Variants in FLT1 observed in about 807,000 individuals in gnomAD.
FLT1 encodes the protein fms related receptor tyrosine kinase 1.
FLT1 carries 49 observed loss-of-function variants against 156.3 expected under a neutral mutation model. That is an observed-to-expected ratio of 0.31 (90% CI 0.25 to 0.40). FLT1 has a LOEUF of 0.40. Ranked by LOEUF, FLT1 falls within the 10% of genes least tolerant of loss-of-function variation. The pLI is 1.00. For synonymous variants in FLT1, 594 were observed against 583.8 expected, an observed-to-expected ratio of 1.02 and a Z score of -0.25; for missense variants, 1,322 against 1,637.2, an observed-to-expected ratio of 0.81 and a Z score of 3.32.
Position 28,362,389 on chromosome 13 carries a change from T to G in FLT1, c.2117-4704A>C, listed in dbSNP as rs141200876. 5.4e-4 allele frequency among the ~76,000 whole-genome samples: 82 copies of G among 152,254 alleles called. 1 individual carries two copies. The East Asian group carries it at 0.016, about 29-fold the overall frequency. On this transcript the variant is annotated intron_variant, in intron 14 of 29. Coordinates refer to ENST00000282397, the MANE Select transcript of FLT1 (RefSeq NM_002019.4). The stretch of plus-strand genomic sequence containing the variant: ...AAGTGGCAATCACAGAAAATAAAAG[T>G]GTGGCTGTACAGTTGCTCCGGGTCA...
chr13:28,409,703 T>A (rs1341899649), intron 10 of FLT1, among the ~76,000 whole-genome samples: 3 of 152,210 alleles, frequency 2.0e-5, no homozygotes, highest in Non-Finnish European at 4.4e-5. Context: ...TTTCAGAACC[T>A]GTGCACTTGA....
intron 14 of FLT1, among the ~76,000 whole-genome samples, chr13:28,384,250 A>G (rs945373739): frequency 1.3e-5 from 2 of 152,130 alleles, no homozygotes; most frequent in African/African-American, 4.8e-5. Context: ...CCTGGCCAAC[A>G]TGGTGAAACC....
intron 1 of FLT1, among the ~76,000 whole-genome samples, chr13:28,492,894 A>G (rs1457701905): frequency 6.6e-6 from 1 of 152,192 alleles, no homozygotes; most frequent in Non-Finnish European, 1.5e-5. Context: ...CTGTTAGGTA[A>G]AGAGGTTCTC....
At chr13:28,350,361 G>A (rs1872701362) in intron 15 of FLT1, among the ~76,000 whole-genome samples, 1 of 152,140 alleles carries the variant, frequency 6.6e-6, no homozygotes, top group African/African-American at 2.4e-5. Context: ...TCCACGTCAA[G>A]TACTCTCCCA....
chr13:28,381,272 G>C (rs963635355), intron 14 of FLT1, among the ~76,000 whole-genome samples: 16 of 152,264 alleles, frequency 1.1e-4, no homozygotes, highest in African/African-American at 3.6e-4. Context: ...ACTTAGCACA[G>C]TTGGCCCTGT....
At chr13:28,407,125 AT>A (rs911370027) in intron 10 of FLT1, among the ~76,000 whole-genome samples, 1 of 152,194 alleles carries the variant, frequency 6.6e-6, no homozygotes, top group Non-Finnish European at 1.5e-5. Context: ...AAATCGACGT[AT>A]TCACTCTGTC....
At chr13:28,392,879 T>C (rs981737560) in intron 12 of FLT1, among the ~76,000 whole-genome samples, 3 of 152,240 alleles carry the variant, frequency 2.0e-5, no homozygotes, top group African/African-American at 7.2e-5. Context: ...ATTTGTTATG[T>C]TATCAGACAG....
At chr13:28,313,516 T>C (rs1307657443) in intron 25 of FLT1, among the ~76,000 whole-genome samples, 1 of 152,198 alleles carries the variant, frequency 6.6e-6, no homozygotes, top group Non-Finnish European at 1.5e-5. Context: ...CACTCAAACC[T>C]GAATGGGCTC....
intron 15 of FLT1, among the ~76,000 whole-genome samples, chr13:28,353,482 A>T: frequency 6.6e-6 from 1 of 151,704 alleles, no homozygotes; most frequent in South Asian, 2.1e-4. Flanking sequence ...CTGAGGCAGA[A>T]GAATTGCTTG....
chr13:28,322,468 C>G lies in FLT1; in HGVS notation c.2954-109G>C, dbSNP rs993729712. On this transcript the variant is annotated intron_variant, in intron 21 of 29. Transcript: ENST00000282397. The surrounding 1 kb of genome is among the most constrained non-coding windows in gnomAD (Gnocchi z 4.3). Reference sequence around the variant, plus strand: ...ACATAAAACAAACCAACAAGTAGATCAGAGTTCATTTTTAAGAGTATTTGA... The same window carrying G: ...ACATAAAACAAACCAACAAGTAGATGAGAGTTCATTTTTAAGAGTATTTGA... The G allele has an allele frequency of 8.8e-6, 7 of 799,532 alleles. No individual in the cohort carries two copies. The highest frequency in any genetic ancestry group is 1.5e-5 in the Non-Finnish European group (7 of 464,866). The allele number at this position is 799,532 out of a possible 1,614,324, so 49.5% of individuals were successfully genotyped here.
chr13:28,399,138 G>C (rs533778588), intron 11 of FLT1: 1 of 1,512,112 alleles, frequency 6.6e-7, no homozygotes, highest in Non-Finnish European at 9.0e-7. Context: ...AGGAGAGATC[G>C]TCAAATACGA....
At chr13:28,450,834 T>C (rs994553945) in intron 3 of FLT1, among the ~76,000 whole-genome samples, 5 of 152,108 alleles carry the variant, frequency 3.3e-5, no homozygotes, top group Non-Finnish European at 5.9e-5. Flanking sequence ...GAGCAAAAAC[T>C]GAATTTACGC....
chr13:28,406,415 T>C (rs191669846), intron 10 of FLT1, among the ~76,000 whole-genome samples: 7 of 152,292 alleles, frequency 4.6e-5, no homozygotes, highest in Admixed American at 4.6e-4. Context: ...TGGGGAACTG[T>C]TCAAGCTCTC....
At chr13:28,425,462 CTAA>C (rs1241069383) in intron 10 of FLT1, among the ~76,000 whole-genome samples, 1 of 152,156 alleles carries the variant, frequency 6.6e-6, no homozygotes, top group Non-Finnish European at 1.5e-5. Context: ...GGAAAGAAAG[CTAA>C]TGTTTACAAA....
intron 10 of FLT1, among the ~76,000 whole-genome samples, chr13:28,412,638 C>T (rs1377001475): frequency 6.6e-6 from 1 of 151,252 alleles, no homozygotes; most frequent in East Asian, 1.9e-4. Context: ...CCAGGCTGGT[C>T]TCGAACTCCT....
At chr13:28,423,480 G>T (rs1877136097) in intron 10 of FLT1, among the ~76,000 whole-genome samples, 1 of 144,174 alleles carries the variant, frequency 6.9e-6, no homozygotes. Context: ...TCATTTCTTA[G>T]AAATGTTTGG....
At chr13:28,424,140 T>C (rs959182567) in intron 10 of FLT1, among the ~76,000 whole-genome samples, 1 of 152,006 alleles carries the variant, frequency 6.6e-6, no homozygotes, top group Admixed American at 6.6e-5. Flanking sequence ...GGTTTCATTA[T>C]GTTGCCCAGG....
Position 28,427,989 on chromosome 13 carries a change from C to T in FLT1, c.1107-68G>A, listed in dbSNP as rs373151533. The T allele has an allele frequency of 5.7e-6, 8 of 1,403,140 alleles. No homozygotes were observed. The African/African-American group carries it at 1.1e-4, about 20-fold the overall frequency. 86.9% of individuals were successfully genotyped at this position (1,403,140 alleles called of 1,614,324 possible). ...CTCAATATCACTTTGATAACACGGTCATTGAAGTTTTTGAGCTCAAGTTGA... is the reference window on the plus strand; with the variant it reads ...CTCAATATCACTTTGATAACACGGTTATTGAAGTTTTTGAGCTCAAGTTGA... On this transcript the variant is annotated intron_variant, in intron 8 of 29. Coordinates refer to ENST00000282397, the MANE Select transcript of FLT1 (RefSeq NM_002019.4).
intron 25 of FLT1, among the ~76,000 whole-genome samples, chr13:28,317,182 T>A (rs1399804964): frequency 6.6e-6 from 1 of 152,196 alleles, no homozygotes; most frequent in Non-Finnish European, 1.5e-5. Flanking sequence ...TCCTGGGTGG[T>A]CTGTTTGTTT....
Sources: gnomAD v4.1 joint callset for allele counts (sites outside exome capture counted in the v4.1 genomes callset) on GRCh38, gnomAD v4.1.1 for gene constraint, Gnocchi (gnomAD v3.1) non-coding constraint, MANE v1.5 for transcripts, NCBI Gene and HGNC (gene_info 2026-07-23, HGNC 2026-07-21) for gene names.